ARHGAP42: variants seen among roughly 807,000 people sequenced by gnomAD.
ARHGAP42 encodes the protein Rho GTPase activating protein 42.
ARHGAP42 carries 63 observed loss-of-function variants against 125.0 expected under a neutral mutation model. The observed-to-expected ratio is 0.50, with a 90% confidence interval of 0.41 to 0.62. The LOEUF is 0.62. Among genes scored for constraint, ARHGAP42 ranks in the 20% least tolerant of loss-of-function variants. The probability of loss-of-function intolerance (pLI) is 0.00; values close to 1 mark genes in which losing one functional copy is unlikely to be tolerated. For synonymous variants in ARHGAP42, 339 were observed against 351.0 expected (o/e 0.97, Z 0.38); for missense variants, 766 against 1,024.2 (o/e 0.75, Z 3.44).
At chr11:100,705,033 AGAG>A (rs796263734) in intron 1 of ARHGAP42, among the ~76,000 whole-genome samples, 3,999 of 131,222 alleles carry the variant, frequency 0.03, 44 homozygotes, top group Middle Eastern at 0.06. Context: ...AAAAAAAAAA[AGAG>A]AGAAGAAAAG....
At chr11:100,786,890 CCT>C (rs1197996636) in intron 2 of ARHGAP42, among the ~76,000 whole-genome samples, 4 of 151,916 alleles carry the variant, frequency 2.6e-5, no homozygotes, top group Non-Finnish European at 2.9e-5. Flanking sequence ...TTATAATTCC[CCT>C]GTGTCAAGAA....
At chr11:100,725,808 G>A (rs1442820847) in intron 1 of ARHGAP42, among the ~76,000 whole-genome samples, 1 of 151,472 alleles carries the variant, frequency 6.6e-6, no homozygotes, top group Non-Finnish European at 1.5e-5. Context: ...GGTGGCGGGC[G>A]CCTGTAGTCC....
rs79395667 is a variant in ARHGAP42 at position 100,798,366 on chromosome 11, T to C, written c.312+3200T>C. On this transcript the variant is annotated intron_variant, in intron 3 of 23. Coordinates refer to ENST00000298815, the MANE Select transcript of ARHGAP42 (RefSeq NM_152432.4). ...GATTCAATCAATGCTACAGACTTCA[T>C]TGTTGTCTTAAGAAATTACCACAGC... Among the ~76,000 whole-genome samples the C allele has an allele frequency of 7.3e-4, 111 of 152,328 alleles. No individual in the cohort carries two copies. The East Asian group carries it at 0.018, about 25-fold the overall frequency.
At chr11:100,827,957 T>A (rs1177460754) in intron 3 of ARHGAP42, among the ~76,000 whole-genome samples, 1 of 152,138 alleles carries the variant, frequency 6.6e-6, no homozygotes, top group Non-Finnish European at 1.5e-5. Flanking sequence ...GGGTAAGAGA[T>A]TTAGAGGCTT....
chr11:100,902,722 A>G (rs1866586204), intron 4 of ARHGAP42, among the ~76,000 whole-genome samples: 1 of 151,844 alleles, frequency 6.6e-6, no homozygotes, highest in African/African-American at 2.4e-5. Context: ...GAACCGCAGG[A>G]TGTATGGTGC....
chr11:100,866,424 A>G (rs756269456), intron 4 of ARHGAP42, among the ~76,000 whole-genome samples: 27 of 152,210 alleles, frequency 1.8e-4, no homozygotes, highest in Non-Finnish European at 2.9e-4. Flanking sequence ...GCCTAGATCT[A>G]TCAGAGAAAT....
intron 1 of ARHGAP42, among the ~76,000 whole-genome samples, chr11:100,713,419 T>A (rs1502284): frequency 4.0e-4 from 61 of 152,072 alleles, no homozygotes; most frequent in African/African-American, 1.4e-3. Flanking sequence ...GAATGGATCC[T>A]CTGATCCTCT....
At chr11:100,790,498 T>C (rs1366684786) in intron 2 of ARHGAP42, among the ~76,000 whole-genome samples, 1 of 152,172 alleles carries the variant, frequency 6.6e-6, no homozygotes, top group Non-Finnish European at 1.5e-5. Flanking sequence ...CATGCTCCAG[T>C]TGGACAGGAA....
chr11:100,782,246 T>C (rs1315344891), intron 2 of ARHGAP42, among the ~76,000 whole-genome samples: 8 of 152,212 alleles, frequency 5.3e-5, no homozygotes. Flanking sequence ...AGGTTTCTTC[T>C]AGCATCCATA....
In ARHGAP42 at chr11:100,853,069, A is replaced by T. The variant is rs185358775; in HGVS notation, c.313-6485A>T. On this transcript the variant is annotated intron_variant, in intron 3 of 23. Coordinates refer to ENST00000298815, the MANE Select transcript of ARHGAP42 (RefSeq NM_152432.4). ...ATCTTCCCTGTGTGACCTTTGAGTT[A>T]ATATAGTCTTTTAAAAAATTCTATA... Among the ~76,000 whole-genome samples the T allele has an allele frequency of 4.0e-3, 609 of 152,308 alleles. 3 individuals are homozygous for T. Among genetic ancestry groups the T allele is most frequent in the African/African-American group, 0.014 (589 of 41,570 alleles).
chr11:100,963,830 T>C (rs1474378362), intron 16 of ARHGAP42, among the ~76,000 whole-genome samples: 1 of 152,204 alleles, frequency 6.6e-6, no homozygotes. Flanking sequence ...AGCCTGTTTT[T>C]TGTTCTTTTT....
chr11:100,872,433 T>C (rs1865718934), intron 4 of ARHGAP42, among the ~76,000 whole-genome samples: 1 of 152,130 alleles, frequency 6.6e-6, no homozygotes, highest in Non-Finnish European at 1.5e-5. Context: ...TCTCGCTCTG[T>C]CACCTAGGCT....
chr11:100,865,123 T>C (rs1438150522), intron 4 of ARHGAP42, among the ~76,000 whole-genome samples: 1 of 152,240 alleles, frequency 6.6e-6, no homozygotes, highest in Non-Finnish European at 1.5e-5. Flanking sequence ...TTTATATTGT[T>C]TTCATGTTGA....
intron 1 of ARHGAP42, among the ~76,000 whole-genome samples, chr11:100,718,990 T>C (rs747328323): frequency 3.5e-4 from 53 of 152,242 alleles, no homozygotes; most frequent in Non-Finnish European, 4.4e-5. Flanking sequence ...TGCTTCACTA[T>C]ACCTCATGAT....
chr11:100,802,142 A>C (rs1369780447), intron 3 of ARHGAP42, among the ~76,000 whole-genome samples: 2 of 152,206 alleles, frequency 1.3e-5, no homozygotes, highest in African/African-American at 4.8e-5. Flanking sequence ...ACCACCATAG[A>C]AACCAGTCTT....
intron 2 of ARHGAP42, among the ~76,000 whole-genome samples, chr11:100,782,204 C>T (rs1863331758): frequency 6.6e-6 from 1 of 152,170 alleles, no homozygotes. Flanking sequence ...TCAAAAAACA[C>T]TCAAGGCCTT....
intron 3 of ARHGAP42, among the ~76,000 whole-genome samples, chr11:100,802,707 C>A (rs1037600619): frequency 6.6e-6 from 1 of 152,192 alleles, no homozygotes; most frequent in Non-Finnish European, 1.5e-5. Flanking sequence ...GGATTACAGG[C>A]GTGAGCCACT....
chr11:100,759,632 C>A (rs1862657558), intron 1 of ARHGAP42, among the ~76,000 whole-genome samples: 1 of 151,698 alleles, frequency 6.6e-6, no homozygotes, highest in Admixed American at 6.6e-5. Context: ...AGGTAGAGTA[C>A]AATAATGCAA....
At chr11:100,899,337 T>C (rs1422474853) in intron 4 of ARHGAP42, among the ~76,000 whole-genome samples, 1 of 152,120 alleles carries the variant, frequency 6.6e-6, no homozygotes, top group Non-Finnish European at 1.5e-5. Context: ...GGGTGGAGAG[T>C]TCTGGAGATG....
Sources: gnomAD v4.1 joint callset for allele counts (sites outside exome capture counted in the v4.1 genomes callset) on GRCh38, gnomAD v4.1.1 for gene constraint, MANE v1.5 for transcripts, NCBI Gene and HGNC (gene_info 2026-07-23, HGNC 2026-07-21) for gene names.